PDILT: variants seen among roughly 807,000 people sequenced by gnomAD.
The protein encoded by PDILT is protein disulfide-isomerase-like protein of the testis.
Under a neutral mutation model 53.7 loss-of-function variants are expected in PDILT, and 43 were observed. That is an observed-to-expected ratio of 0.80 (90% CI 0.63 to 1.03). The LOEUF (loss-of-function observed/expected upper bound fraction) is 1.03. Ranked by LOEUF, PDILT falls within the 50% of genes least tolerant of loss-of-function variation. The pLI, the probability that PDILT is intolerant of heterozygous loss-of-function variation, is 0.00. For synonymous variants in PDILT, 282 were observed against 274.2 expected, an observed-to-expected ratio of 1.03 and a Z score of -0.28; for missense variants, 727 against 712.3, an observed-to-expected ratio of 1.02 and a Z score of -0.24.
rs1966398400 is a variant in PDILT, at chr16:20,377,122, C to G, written c.410-921G>C. On this transcript the variant is annotated intron_variant, in intron 3 of 11. Transcript: ENST00000302451. Reference sequence around the variant, plus strand: ...CAACATAGCGAGACACTCAGCTCTACAAAAAACAAAAGAAAATTAGCCAGG... The same window carrying G: ...CAACATAGCGAGACACTCAGCTCTAGAAAAAACAAAAGAAAATTAGCCAGG... Among the ~76,000 whole-genome samples, 4 of 151,928 alleles carry G rather than the reference C, an allele frequency of 2.6e-5. No homozygotes were observed. The South Asian group carries it at 8.3e-4, about 32-fold the overall frequency.
intron 2 of PDILT, among the ~76,000 whole-genome samples, chr16:20,398,630 CA>C (rs1966691753): frequency 6.6e-6 from 1 of 152,008 alleles, no homozygotes; most frequent in Non-Finnish European, 1.5e-5. Context: ...GGCCCTGTCT[CA>C]AAACAAACAA....
chr16:20,402,729 C>T (rs1457437876), intron 1 of PDILT, among the ~76,000 whole-genome samples: 2 of 152,226 alleles, frequency 1.3e-5, no homozygotes, highest in Non-Finnish European at 2.9e-5. Context: ...CTCTGCCCTG[C>T]TGCTGTTTTT....
rs558508291 is a variant in PDILT, at chr16:20,368,082, G to A, written c.1116+1410C>T. 9.2e-5 allele frequency among the ~76,000 whole-genome samples: 14 copies of A among 152,276 alleles called. 1 individual carries two copies. The South Asian group carries it at 2.5e-3, about 27-fold the overall frequency. ...AGGGCAATGAGAAGGATGAGGAATC[G>A]TAGCCATGTGTGTCCTGGAGGGAAA... is the stretch of plus-strand genomic sequence containing the variant. On this transcript the variant is annotated intron_variant, in intron 8 of 11. Coordinates refer to ENST00000302451, the MANE Select transcript of PDILT (RefSeq NM_174924.2).
At chr16:20,365,213 C>T (rs1250526705) in intron 9 of PDILT, among the ~76,000 whole-genome samples, 2 of 152,176 alleles carry the variant, frequency 1.3e-5, no homozygotes, top group African/African-American at 2.4e-5. Context: ...GAAGGCATTG[C>T]ATACATTCCA....
intron 3 of PDILT, among the ~76,000 whole-genome samples, chr16:20,384,287 C>T (rs748168493): frequency 6.6e-6 from 1 of 152,222 alleles, no homozygotes; most frequent in African/African-American, 2.4e-5. Flanking sequence ...ATTCACTAAA[C>T]CCGTTTTCTT....
chr16:20,362,485 G>A lies in PDILT; in HGVS notation c.1335C>T (p.Ile445=), dbSNP rs139363566. 7.0e-5 allele frequency: 113 copies of A among 1,613,986 alleles called. No homozygotes were observed. Among genetic ancestry groups the A allele is most frequent in the Non-Finnish European group, 9.2e-5 (108 of 1,180,000 alleles). The change falls in exon 10 of 12, where the codon ATC becomes ATT. Residue 445 remains isoleucine, a synonymous_variant. Coordinates refer to ENST00000302451, the MANE Select transcript of PDILT (RefSeq NM_174924.2). ...QNHSTIIIAK[I]DVTANDIQLM... is the part of the protein sequence containing the mutation. ...GCTGAATGTCATTTGCTGTGACATCGATCTTGGCAATGATAATTGTGGAGT... is the reference window on the plus strand; with the variant it reads ...GCTGAATGTCATTTGCTGTGACATCAATCTTGGCAATGATAATTGTGGAGT...
At chr16:20,399,054 G>A (rs2141623498) in intron 2 of PDILT, 45 bp downstream of exon 2, 1 of 1,605,536 alleles carries the variant, frequency 6.2e-7, no homozygotes, top group Non-Finnish European at 8.5e-7. Flanking sequence ...AAGGAGGCAG[G>A]CCTCATCCCA....
intron 2 of PDILT, among the ~76,000 whole-genome samples, chr16:20,398,673 C>T (rs1294004165): frequency 6.6e-6 from 1 of 152,134 alleles, no homozygotes; most frequent in Non-Finnish European, 1.5e-5. Context: ...GTCTCCAGAG[C>T]TTGCCCCAGG....
chr16:20,373,841 G>A (rs1966344197), intron 5 of PDILT, among the ~76,000 whole-genome samples: 1 of 152,188 alleles, frequency 6.6e-6, no homozygotes, highest in Admixed American at 6.5e-5. Context: ...GTCTGTCTGA[G>A]CCTACTCTGG....
rs1966085708 is a variant in PDILT at position 20,360,583 on chromosome 16, A to G, written c.1491T>C (p.Ile497=). 2 of 1,613,572 alleles carry G rather than the reference A, an allele frequency of 1.2e-6. No individual in the cohort carries two copies. Among genetic ancestry groups the G allele is most frequent in the African/African-American group, 1.3e-5 (1 of 74,862 alleles). Residue 497 remains isoleucine (I), a synonymous_variant, in exon 11 of 12, where the codon ATT becomes ATC. Transcript: ENST00000302451. ...TGCCCCTTACCTCATCCTCATCCTCAATCTTAGTTTTGATGTGGCTTTCCA... is the reference window on the plus strand; with the variant it reads ...TGCCCCTTACCTCATCCTCATCCTCGATCTTAGTTTTGATGTGGCTTTCCA... ...DFLESHIKTK[I]EDEDELLSVE...
intron 8 of PDILT, 43 bp from the exon 9 acceptor site, chr16:20,365,583 T>G: frequency 6.3e-7 from 1 of 1,596,282 alleles, no homozygotes; most frequent in East Asian, 2.2e-5. Flanking sequence ...TCATAAAGGG[T>G]CTTGAAGTTG....
intron 8 of PDILT, among the ~76,000 whole-genome samples, chr16:20,367,840 C>G (rs571870149): frequency 6.6e-6 from 1 of 152,182 alleles, no homozygotes; most frequent in Admixed American, 6.5e-5. Flanking sequence ...GTTTGCAATG[C>G]CATGAAGCCA....
intron 1 of PDILT, among the ~76,000 whole-genome samples, chr16:20,403,081 A>G (rs8047423): frequency 0.047 from 7,084 of 152,208 alleles, 516 homozygotes; most frequent in African/African-American, 0.16. Flanking sequence ...GTCACCAGCC[A>G]TATTGTGCTG....
chr16:20,391,144 C>T (rs74209810), intron 2 of PDILT: 17,501 of 156,562 alleles, frequency 0.11, 1,091 homozygotes, highest in African/African-American at 0.16. Context: ...GCACCATCAT[C>T]GCCATTGTCA....
chr16:20,403,145 A>G (rs1596603210), intron 1 of PDILT, among the ~76,000 whole-genome samples: 3 of 152,272 alleles, frequency 2.0e-5, no homozygotes, highest in South Asian at 4.2e-4. Context: ...TTCTCCCTGT[A>G]TGCCGTGGAG....
chr16:20,375,989 A>T, intron 4 of PDILT, 79 bp downstream of exon 4: 4 of 1,548,466 alleles, frequency 2.6e-6, no homozygotes, highest in Non-Finnish European at 3.5e-6. Context: ...AAAACGGAAG[A>T]GTCTCCTCAC....
In PDILT at chr16:20,359,215, A is replaced by G; in HGVS notation, c.*104T>C. 6.7e-7 allele frequency: 1 copy of G among 1,495,942 alleles called. No individual in the cohort carries two copies. Among genetic ancestry groups the G allele is most frequent in the Non-Finnish European group, 9.0e-7 (1 of 1,116,720 alleles). 92.7% of individuals were successfully genotyped at this position (1,495,942 alleles called of 1,614,324 possible). On this transcript the variant is annotated 3_prime_UTR_variant, in exon 12 of 12. Coordinates refer to ENST00000302451, the MANE Select transcript of PDILT (RefSeq NM_174924.2). ...TATTATCCACCCCTACCCCCGCCCC[A>G]CCTACCCTACCACAATGATATATGC...
At chr16:20,369,463 G>C (rs1966267644) in intron 8 of PDILT, 29 bp downstream of exon 8, 1 of 1,594,994 alleles carries the variant, frequency 6.3e-7, no homozygotes, top group African/African-American at 1.3e-5. Context: ...TTGAGGTTCT[G>C]GATAAACCTT....
chr16:20,387,188 G>A (rs1461123709), intron 2 of PDILT, among the ~76,000 whole-genome samples: 2 of 152,174 alleles, frequency 1.3e-5, no homozygotes, highest in Non-Finnish European at 2.9e-5. Context: ...CACTTGAAAA[G>A]GCAGAAAATA....
Sources: gnomAD v4.1 joint callset for allele counts (sites outside exome capture counted in the v4.1 genomes callset) on GRCh38, gnomAD v4.1.1 for gene constraint, MANE v1.5 for transcripts, NCBI Gene and HGNC (gene_info 2026-07-23, HGNC 2026-07-21) for gene names.